Variants in DCLK1 observed in about 807,000 individuals in gnomAD.
The protein encoded by DCLK1 is serine/threonine-protein kinase DCLK1.
Under a neutral mutation model 86.2 loss-of-function variants are expected in DCLK1, and 16 were observed. The ratio of observed to expected loss-of-function variants is 0.19; its 90% CI spans 0.13 to 0.28. DCLK1 has a LOEUF of 0.28. Ranked by LOEUF, DCLK1 falls within the 10% of genes least tolerant of loss-of-function variation. DCLK1 has a pLI of 1.00. For missense variants in DCLK1, 590 were observed against 940.2 expected, an observed-to-expected ratio of 0.63 and a Z score of 4.87; for synonymous variants, 369 against 370.5, an observed-to-expected ratio of 1.00 and a Z score of 0.05.
intron 15 of DCLK1, among the ~76,000 whole-genome samples, chr13:35,796,154 G>A (rs2086806952): frequency 6.6e-6 from 1 of 152,092 alleles, no homozygotes; most frequent in Admixed American, 6.5e-5. Context: ...GCCACCTTGG[G>A]TGCTCTACTG....
intron 4 of DCLK1, among the ~76,000 whole-genome samples, chr13:35,909,597 A>ATGTG (rs57044533): frequency 1.4e-5 from 2 of 146,178 alleles, no homozygotes; most frequent in African/African-American, 5.1e-5. Flanking sequence ...CTGTGTGCAT[A>ATGTG]TGTGTGTGTG....
intron 2 of DCLK1, among the ~76,000 whole-genome samples, chr13:36,120,501 C>T (rs1434881813): frequency 6.6e-6 from 1 of 152,088 alleles, no homozygotes; most frequent in African/African-American, 2.4e-5. Context: ...GTGGAGGAGG[C>T]TACACCATCT....
At chr13:35,889,012 G>A (rs1251516867) in intron 4 of DCLK1, among the ~76,000 whole-genome samples, 2 of 152,140 alleles carry the variant, frequency 1.3e-5, no homozygotes, top group African/African-American at 4.8e-5. Context: ...AAAAATATTA[G>A]CAGAGATGTA....
At chr13:35,900,485 G>A (rs1456577937) in intron 4 of DCLK1, among the ~76,000 whole-genome samples, 8 of 151,982 alleles carry the variant, frequency 5.3e-5, no homozygotes, top group East Asian at 3.9e-4. Flanking sequence ...CAAGTGATTC[G>A]CCAGCCTCAG....
rs114352118 is a variant in DCLK1, at chr13:36,069,074, A to C, written c.723+42795T>G. On this transcript the variant is annotated intron_variant, in intron 3 of 16. Coordinates refer to ENST00000360631, the MANE Select transcript of DCLK1 (RefSeq NM_001330071.2). The stretch of plus-strand genomic sequence containing the variant: ...CACATTATAGCAATTTAATCTTAAT[A>C]ATCCCATGAGACACTTAGCAATAAT... Among the ~76,000 whole-genome samples the C allele has an allele frequency of 4.2e-3, 641 of 152,362 alleles. 8 individuals carry two copies. Among genetic ancestry groups the C allele is most frequent in the African/African-American group, 0.015 (610 of 41,592 alleles).
rs1486424086 is a variant in DCLK1, at chr13:35,771,504, A to G, written c.*3031T>C. The G allele has an allele frequency of 2.6e-5, 4 of 152,234 alleles. No homozygotes were observed. The highest frequency in any genetic ancestry group is 5.9e-5 in the Non-Finnish European group (4 of 68,046). The allele number at this position is 152,234 out of a possible 1,614,324, so 9.4% of individuals were successfully genotyped here. A position where few individuals can be genotyped will look rare whatever the true frequency, so the allele number is the denominator to read the frequency against. On this transcript the variant is annotated 3_prime_UTR_variant, in exon 17 of 17. Coordinates refer to ENST00000360631, the MANE Select transcript of DCLK1 (RefSeq NM_001330071.2). The stretch of plus-strand genomic sequence containing the variant: ...CATATTCATTGATCATGACGAATAA[A>G]ATGATTTCTGCTACAATGTTGAGAA...
intron 3 of DCLK1, among the ~76,000 whole-genome samples, chr13:35,995,888 A>G (rs1880448128): frequency 6.6e-6 from 1 of 152,214 alleles, no homozygotes; most frequent in African/African-American, 2.4e-5. Context: ...CTTCTATATT[A>G]GGCTTTACTT....
intron 3 of DCLK1, among the ~76,000 whole-genome samples, chr13:35,974,455 C>T (rs2153140156): frequency 6.6e-6 from 1 of 152,294 alleles, no homozygotes. Context: ...ATGTCCCCAC[C>T]CAAGTCTCAT....
chr13:35,859,895 T>A (rs1871286199), intron 5 of DCLK1, among the ~76,000 whole-genome samples: 1 of 152,218 alleles, frequency 6.6e-6, no homozygotes, highest in African/African-American at 2.4e-5. Flanking sequence ...TTAACACTTC[T>A]TTTTGCAGTC....
At chr13:35,821,158 C>T (rs1220856118) in intron 11 of DCLK1, among the ~76,000 whole-genome samples, 1 of 152,178 alleles carries the variant, frequency 6.6e-6, no homozygotes, top group African/African-American at 2.4e-5. Context: ...CTTCTAGGTA[C>T]CCATGTTCCT....
At chr13:35,886,856 A>G (rs2062988244) in intron 4 of DCLK1, among the ~76,000 whole-genome samples, 1 of 152,166 alleles carries the variant, frequency 6.6e-6, no homozygotes, top group Non-Finnish European at 1.5e-5. Context: ...CATTTAGAAA[A>G]CCTGGAGACA....
chr13:35,848,248 A>G lies in DCLK1; in HGVS notation c.1035+6251T>C, dbSNP rs1384487434. The G allele has an allele frequency of 5.1e-6, 5 of 984,816 alleles. No homozygotes were observed. The South Asian group carries it at 2.3e-4, about 46-fold the overall frequency. The allele number at this position is 984,816 out of a possible 1,614,324, so 61.0% of individuals were successfully genotyped here. A position where few individuals can be genotyped will look rare whatever the true frequency, so the allele number is the denominator to read the frequency against. ...TATAAAGAATTCTATAAGTAACTCAATCATAAGTGCCTATAAATCACCAAT... is the reference window on the plus strand; with the variant it reads ...TATAAAGAATTCTATAAGTAACTCAGTCATAAGTGCCTATAAATCACCAAT... On this transcript the variant is annotated intron_variant, in intron 6 of 16. Transcript: ENST00000360631.
chr13:35,999,172 T>G (rs1294611071), intron 3 of DCLK1, among the ~76,000 whole-genome samples: 1 of 152,070 alleles, frequency 6.6e-6, no homozygotes, highest in Non-Finnish European at 1.5e-5. Flanking sequence ...GGAGAATCAC[T>G]TGAACCCAGG....
chr13:35,863,602 C>T (rs146609216), intron 5 of DCLK1, among the ~76,000 whole-genome samples: 5 of 152,310 alleles, frequency 3.3e-5, no homozygotes, highest in African/African-American at 9.6e-5. Flanking sequence ...GGATGAATCA[C>T]CAACCTCTCG....
rs1454981668 is a variant in DCLK1 at position 36,126,128 on chromosome 13, C to G, written c.10G>C (p.Gly4Arg). 1 of 1,590,604 alleles carries G rather than the reference C, an allele frequency of 6.3e-7. No individual in the cohort carries two copies. Among genetic ancestry groups the G allele is most frequent in the Non-Finnish European group, 8.6e-7 (1 of 1,168,774 alleles). Residue 4 changes from glycine (G) to arginine (R), a missense_variant, in exon 2 of 17, where the codon GGC (glycine) becomes CGC (arginine). Gly to Arg is a moderately radical substitution (Grantham distance 125). Coordinates refer to ENST00000360631, the MANE Select transcript of DCLK1 (RefSeq NM_001330071.2). ...AAGTGCTCCAGCTCCATGTCTCTGC[C>G]GAAGGACATGATGGACTTCAAGTAG... MSF[G>R]RDMELEHFDE...
At chr13:35,874,614 T>TA (rs1566580245) in intron 4 of DCLK1, among the ~76,000 whole-genome samples, 1 of 151,662 alleles carries the variant, frequency 6.6e-6, no homozygotes, top group Admixed American at 6.6e-5. Flanking sequence ...TTCTGTTTTT[T>TA]AAAAAAAAGA....
chr13:35,887,627 T>C (rs576679350), intron 4 of DCLK1, among the ~76,000 whole-genome samples: 5 of 152,188 alleles, frequency 3.3e-5, no homozygotes, highest in Admixed American at 6.5e-5. Flanking sequence ...AAACAAAACT[T>C]CTAGTTTCCT....
chr13:35,958,157 A>AACC (rs1254821289), intron 3 of DCLK1, among the ~76,000 whole-genome samples: 140 of 24,796 alleles, frequency 5.6e-3, no homozygotes, highest in Middle Eastern at 0.029. Context: ...CCACCACTAT[A>AACC]ACCATCACCA....
At chr13:35,945,024 C>A (rs1877289324) in intron 4 of DCLK1, among the ~76,000 whole-genome samples, 1 of 152,164 alleles carries the variant, frequency 6.6e-6, no homozygotes, top group Non-Finnish European at 1.5e-5. Flanking sequence ...CCTAAGCCTC[C>A]TGAGTAGCTG....
Sources: allele counts gnomAD v4.1 joint callset (sites outside exome capture counted in the v4.1 genomes callset), GRCh38; gene constraint gnomAD v4.1.1; transcripts MANE v1.5; gene names NCBI Gene and HGNC (gene_info 2026-07-23, HGNC 2026-07-21).